Variants in SPAG16 observed in about 807,000 individuals in gnomAD.
The protein encoded by SPAG16 is sperm-associated antigen 16 protein.
A neutral mutation model predicts 80.4 loss-of-function variants in SPAG16; 86 were observed. That is an observed-to-expected ratio of 1.07 (90% CI 0.90 to 1.28). The LOEUF (loss-of-function observed/expected upper bound fraction) is 1.28, where lower values mean the gene tolerates loss of function less well. SPAG16 is among the 50% of genes most tolerant of loss of function. The probability of loss-of-function intolerance (pLI) is 0.00; values close to 1 mark genes in which losing one functional copy is unlikely to be tolerated. For missense variants in SPAG16, 870 were observed against 765.3 expected, an observed-to-expected ratio of 1.14 and a Z score of -1.61; for synonymous variants, 294 against 265.9, an observed-to-expected ratio of 1.11 and a Z score of -1.03.
At chr2:214,323,328 ATATATATTTATTTATT>A (rs1162050458) in intron 15 of SPAG16, among the ~76,000 whole-genome samples, 2 of 143,188 alleles carry the variant, frequency 1.4e-5, no homozygotes, top group African/African-American at 5.0e-5. Context: ...TTAAATATAT[ATATATATTTATTTATT>A]TATTTATTTA....
intron 11 of SPAG16, among the ~76,000 whole-genome samples, chr2:213,919,789 C>T (rs1169945443): frequency 6.6e-6 from 1 of 152,084 alleles, no homozygotes; most frequent in African/African-American, 2.4e-5. Flanking sequence ...GGGGAGAGTT[C>T]TGTAGATATC....
At chr2:213,606,591 A>G (rs2061268672) in intron 10 of SPAG16, among the ~76,000 whole-genome samples, 1 of 152,226 alleles carries the variant, frequency 6.6e-6, no homozygotes, top group Non-Finnish European at 1.5e-5. Flanking sequence ...ACATCTTTTT[A>G]CTTGGTGCAG....
intron 14 of SPAG16, among the ~76,000 whole-genome samples, chr2:214,117,494 A>C (rs969142515): frequency 2.6e-5 from 4 of 152,200 alleles, no homozygotes; most frequent in Admixed American, 2.6e-4. Flanking sequence ...TTACTAACTC[A>C]TCCTATGAGA....
At chr2:213,315,911 A>G (rs923848276) in intron 4 of SPAG16, among the ~76,000 whole-genome samples, 1 of 151,354 alleles carries the variant, frequency 6.6e-6, no homozygotes, top group African/African-American at 2.4e-5. Flanking sequence ...TTTCCCCTCA[A>G]CCTGGAAGCA....
intron 9 of SPAG16, among the ~76,000 whole-genome samples, chr2:213,431,832 A>T (rs2070320176): frequency 6.6e-6 from 1 of 152,092 alleles, no homozygotes; most frequent in Admixed American, 6.5e-5. Context: ...ATTCTCCAAG[A>T]TAGACCATAT....
intron 11 of SPAG16, among the ~76,000 whole-genome samples, chr2:213,880,867 T>G (rs1202832373): frequency 6.6e-6 from 1 of 152,210 alleles, no homozygotes; most frequent in Non-Finnish European, 1.5e-5. Flanking sequence ...TGCCATTTGG[T>G]TACTGTAGCT....
chr2:213,939,478 C>T (rs1044657744), intron 12 of SPAG16, among the ~76,000 whole-genome samples: 3 of 152,150 alleles, frequency 2.0e-5, no homozygotes, highest in African/African-American at 7.2e-5. Context: ...AATCCTAGTT[C>T]TCTATTAACG....
chr2:213,660,272 G>GC (rs1321960542), intron 10 of SPAG16, among the ~76,000 whole-genome samples: 4 of 140,542 alleles, frequency 2.8e-5, no homozygotes, highest in African/African-American at 1.1e-4. Flanking sequence ...TAGTGTTGTT[G>GC]TTTTTTTTTT....
intron 8 of SPAG16, among the ~76,000 whole-genome samples, chr2:213,373,413 T>C (rs1225764556): frequency 6.6e-6 from 1 of 152,222 alleles, no homozygotes; most frequent in African/African-American, 2.4e-5. Context: ...CTGCAATGTT[T>C]ATTCCTAAGT....
At chr2:214,009,038 T>TC (rs1467521706) in intron 12 of SPAG16, among the ~76,000 whole-genome samples, 1 of 152,150 alleles carries the variant, frequency 6.6e-6, no homozygotes, top group African/African-American at 2.4e-5. Flanking sequence ...AGGATTAAAC[T>TC]CCAGAGTATT....
At chr2:213,955,825 A>G (rs1312394156) in intron 12 of SPAG16, among the ~76,000 whole-genome samples, 1 of 152,022 alleles carries the variant, frequency 6.6e-6, no homozygotes, top group African/African-American at 2.4e-5. Flanking sequence ...TTTCTGTACA[A>G]TCAACAGTAA....
intron 9 of SPAG16, among the ~76,000 whole-genome samples, chr2:213,481,936 C>T (rs1267977716): frequency 1.3e-5 from 2 of 152,160 alleles, no homozygotes; most frequent in Non-Finnish European, 2.9e-5. Flanking sequence ...CAGAACATCA[C>T]TGAAATACAT....
At chr2:214,088,960 TATA>T (rs1266496437) in intron 13 of SPAG16, among the ~76,000 whole-genome samples, 1 of 152,106 alleles carries the variant, frequency 6.6e-6, no homozygotes, top group African/African-American at 2.4e-5. Context: ...GTAAAAATAA[TATA>T]ATATTTGCAA....
chr2:213,505,043 G>T (rs1192691445), intron 10 of SPAG16, among the ~76,000 whole-genome samples: 1 of 152,178 alleles, frequency 6.6e-6, no homozygotes, highest in Non-Finnish European at 1.5e-5. Context: ...GAGCATTTAA[G>T]TACTGGCATT....
chr2:214,367,260 A>G (rs2126081321), intron 15 of SPAG16, among the ~76,000 whole-genome samples: 1 of 152,350 alleles, frequency 6.6e-6, no homozygotes, highest in South Asian at 2.1e-4. Flanking sequence ...AAAGTTTGGA[A>G]CCTACTATAA....
intron 15 of SPAG16, among the ~76,000 whole-genome samples, chr2:214,197,389 T>C (rs547500608): frequency 6.6e-6 from 1 of 152,102 alleles, no homozygotes; most frequent in East Asian, 1.9e-4. Context: ...ATTTCTGAAT[T>C]AATAAAGTTC....
At chr2:213,478,095 G>A (rs1241273319) in intron 9 of SPAG16, among the ~76,000 whole-genome samples, 1 of 152,138 alleles carries the variant, frequency 6.6e-6, no homozygotes, top group Non-Finnish European at 1.5e-5. Context: ...TGAAGAAGGT[G>A]CCTATTTCTC....
At position 213,938,077 on chromosome 2, in the gene SPAG16, G is replaced by A. The variant is rs1176252137; in HGVS notation, c.1400+7932G>A. ...AGAAATAATTAGAATGAGTATAAAT[G>A]AAACTAAAGATATTCTGATAAAAGC... On this transcript the variant is annotated intron_variant, in intron 12 of 15. Transcript: ENST00000331683. 5.9e-5 allele frequency among the ~76,000 whole-genome samples: 9 copies of A among 151,674 alleles called. No individual in the cohort carries two copies. In the East Asian group the frequency reaches 1.5e-3, roughly 26 times the overall value.
At chr2:214,255,343 T>C (rs1352231304) in intron 15 of SPAG16, among the ~76,000 whole-genome samples, 2 of 151,998 alleles carry the variant, frequency 1.3e-5, no homozygotes, top group Admixed American at 6.6e-5. Flanking sequence ...ACTCTGGCCC[T>C]GGGATTTTTC....
Sources: allele counts gnomAD v4.1 joint callset (sites outside exome capture counted in the v4.1 genomes callset), GRCh38; gene constraint gnomAD v4.1.1; transcripts MANE v1.5; gene names NCBI Gene and HGNC (gene_info 2026-07-23, HGNC 2026-07-21).